Variants in NAALADL2 observed in about 807,000 individuals in gnomAD.
NAALADL2 encodes the protein inactive N-acetylated-alpha-linked acidic dipeptidase-like protein 2.
A neutral mutation model predicts 87.2 loss-of-function variants in NAALADL2; 76 were observed. The ratio of observed to expected loss-of-function variants is 0.87; its 90% CI spans 0.72 to 1.05. The LOEUF is 1.05. Ranked by LOEUF, NAALADL2 falls within the 50% of genes least tolerant of loss-of-function variation. The pLI is 0.00. For missense variants in NAALADL2, 1,089 were observed against 945.8 expected, an observed-to-expected ratio of 1.15 and a Z score of -1.99; for synonymous variants, 354 against 331.0, an observed-to-expected ratio of 1.07 and a Z score of -0.75.
chr3:174,767,303 A>T (rs188148663), intron 3 of NAALADL2, among the ~76,000 whole-genome samples: 9 of 152,186 alleles, frequency 5.9e-5, no homozygotes, highest in African/African-American at 2.2e-4. Context: ...AACATAATCA[A>T]GTTTGTTGCA....
chr3:174,804,013 A>G (rs970292887), intron 3 of NAALADL2, among the ~76,000 whole-genome samples: 2 of 152,074 alleles, frequency 1.3e-5, no homozygotes, highest in African/African-American at 2.4e-5. Context: ...AAGAAAGTCA[A>G]TGGTAGCTTC....
intron 2 of NAALADL2, among the ~76,000 whole-genome samples, chr3:174,601,564 G>C (rs1353608856): frequency 1.3e-5 from 2 of 152,250 alleles, no homozygotes; most frequent in South Asian, 4.1e-4. Context: ...CAGATGGGTA[G>C]TTTGCAAATA....
intron 2 of NAALADL2, among the ~76,000 whole-genome samples, chr3:174,617,400 G>T (rs559297693): frequency 7.3e-5 from 11 of 151,454 alleles, no homozygotes; most frequent in Admixed American, 6.6e-4. Context: ...TTTTAATTAA[G>T]ATTTTATCGG....
intron 2 of NAALADL2, among the ~76,000 whole-genome samples, chr3:174,714,498 C>T (rs1730994119): frequency 6.6e-6 from 1 of 152,100 alleles, no homozygotes; most frequent in Admixed American, 6.6e-5. Context: ...TTGTAGTTCT[C>T]CTTGAAGAGG....
At chr3:175,299,662 T>C (rs1756796431) in intron 4 of NAALADL2, among the ~76,000 whole-genome samples, 1 of 152,224 alleles carries the variant, frequency 6.6e-6, no homozygotes, top group South Asian at 2.1e-4. Context: ...GAGACTTTAG[T>C]GAAGTTGCTT....
chr3:175,244,774 A>G (rs764691497), intron 3 of NAALADL2, among the ~76,000 whole-genome samples: 38 of 152,144 alleles, frequency 2.5e-4, no homozygotes, highest in Non-Finnish European at 2.5e-4. Context: ...TGAACTCCTT[A>G]GCAACGTCTT....
chr3:175,565,822 C>CCT (rs1717024823), intron 9 of NAALADL2, among the ~76,000 whole-genome samples: 1 of 132,946 alleles, frequency 7.5e-6, no homozygotes, highest in South Asian at 2.9e-4. Context: ...AAACAAAAGC[C>CCT]CCCCCCCTTT....
chr3:175,685,574 G>C (rs903040102), intron 11 of NAALADL2, among the ~76,000 whole-genome samples: 2 of 151,876 alleles, frequency 1.3e-5, no homozygotes, highest in African/African-American at 4.8e-5. Flanking sequence ...TCACATGACT[G>C]TGGAGCCAAG....
chr3:175,352,288 A>AGG (rs770791790), intron 5 of NAALADL2, among the ~76,000 whole-genome samples: 1 of 152,022 alleles, frequency 6.6e-6, no homozygotes, highest in Non-Finnish European at 1.5e-5. Flanking sequence ...GCTTGCCCAT[A>AGG]GGTGAGGCTG....
In NAALADL2 at chr3:174,870,392, G is replaced by A. The variant is rs902531068; in HGVS notation, c.43+10942G>A. On this transcript the variant is annotated intron_variant, in intron 1 of 13. Coordinates refer to ENST00000454872, the MANE Select transcript of NAALADL2 (RefSeq NM_207015.3). Reference sequence around the variant, plus strand: ...TAGGAAAGCATCCATATATACCACTGACCATATAGTATGAATGTGGTATAC... The same window carrying A: ...TAGGAAAGCATCCATATATACCACTAACCATATAGTATGAATGTGGTATAC... 2.0e-5 allele frequency among the ~76,000 whole-genome samples: 3 copies of A among 152,006 alleles called. 1 individual carries two copies. Among genetic ancestry groups the A allele is most frequent in the Admixed American group, 2.0e-4 (3 of 15,260 alleles).
At chr3:175,267,965 CATTT>C (rs1404823991) in intron 4 of NAALADL2, among the ~76,000 whole-genome samples, 13 of 152,164 alleles carry the variant, frequency 8.5e-5, no homozygotes, top group Non-Finnish European at 2.9e-5. Context: ...GCTCAATAAA[CATTT>C]ATTATATTGT....
At position 174,797,207 on chromosome 3, in the gene NAALADL2, A is replaced by C. The variant is rs374888511; in HGVS notation, c.-9+59461A>C. 1.6e-4 allele frequency among the ~76,000 whole-genome samples: 24 copies of C among 152,082 alleles called. 1 individual carries two copies. The East Asian group carries it at 3.1e-3, about 20-fold the overall frequency. On this transcript the variant is annotated intron_variant, in intron 3 of 3. Transcript: ENST00000434257. ...GAATTTTCCCAGCACCATCTATTGA[A>C]AAGAGTGTCATTTCCCCAGGCGGCT...
intron 2 of NAALADL2, among the ~76,000 whole-genome samples, chr3:175,218,588 C>A (rs1205658207): frequency 1.3e-5 from 2 of 152,064 alleles, no homozygotes; most frequent in Non-Finnish European, 2.9e-5. Flanking sequence ...AAGTCATTAG[C>A]TGCCCTCAAA....
chr3:174,493,695 C>T (rs1718348563), intron 1 of NAALADL2, among the ~76,000 whole-genome samples: 1 of 152,168 alleles, frequency 6.6e-6, no homozygotes, highest in African/African-American at 2.4e-5. Flanking sequence ...GAACCAATTA[C>T]ATATACAACA....
At chr3:175,066,256 CAGA>C (rs1464666231) in intron 1 of NAALADL2, among the ~76,000 whole-genome samples, 5 of 152,146 alleles carry the variant, frequency 3.3e-5, no homozygotes, top group Non-Finnish European at 7.3e-5. Context: ...ACTATGAGGA[CAGA>C]AGTAGTTAGG....
chr3:175,766,748 A>G (rs1184015897), intron 13 of NAALADL2, among the ~76,000 whole-genome samples: 2 of 152,198 alleles, frequency 1.3e-5, no homozygotes, highest in African/African-American at 4.8e-5. Context: ...GTACTGAAGC[A>G]CCTAAAACCT....
intron 1 of NAALADL2, among the ~76,000 whole-genome samples, chr3:174,510,602 C>G (rs1719537178): frequency 1.3e-5 from 2 of 151,916 alleles, no homozygotes; most frequent in East Asian, 3.9e-4. Flanking sequence ...CTTGATAAAT[C>G]TGGTTAGAGG....
rs140496367 is a variant in NAALADL2, at chr3:174,951,838, A to G, written c.43+92388A>G. Among the ~76,000 whole-genome samples, 130 of 152,128 alleles carry G rather than the reference A, an allele frequency of 8.5e-4. 2 individuals carry two copies. In the South Asian group the frequency reaches 0.012, roughly 14 times the overall value. The stretch of plus-strand genomic sequence containing the variant: ...CTGCCATAATTTCTCTTTCCTTAAA[A>G]CCACTAGTGATGTCCTGTATTATTC... On this transcript the variant is annotated intron_variant, in intron 1 of 13. Transcript: ENST00000454872.
rs528645084 is a variant in NAALADL2, at chr3:174,603,711, T to C, written c.-115+53074T>C. ...TTTTTTCTTATTCTATGTAGGCACT[T>C]ATAGCTATAAACAGCCCTCTTAGTA... is the stretch of plus-strand genomic sequence containing the variant. On this transcript the variant is annotated intron_variant, in intron 2 of 3. Coordinates refer to the NAALADL2 transcript ENST00000434257. 9.2e-5 allele frequency among the ~76,000 whole-genome samples: 14 copies of C among 152,220 alleles called. No individual in the cohort carries two copies. The South Asian group carries it at 2.7e-3, about 29-fold the overall frequency.
Sources: allele counts gnomAD v4.1 joint callset (sites outside exome capture counted in the v4.1 genomes callset), GRCh38; gene constraint gnomAD v4.1.1; transcripts MANE v1.5; gene names NCBI Gene and HGNC (gene_info 2026-07-23, HGNC 2026-07-21).